STARD13: variants seen among roughly 807,000 people sequenced by gnomAD.
STARD13 encodes the protein StAR related lipid transfer domain containing 13, also known as stAR-related lipid transfer protein 13.
A neutral mutation model predicts 106.4 loss-of-function variants in STARD13; 62 were observed. The observed-to-expected ratio is 0.58, with a 90% CI of 0.48 to 0.72. STARD13 has a LOEUF of 0.72. STARD13 is among the 30% of genes least tolerant of loss of function. The pLI is 0.00. For missense variants in STARD13, 1,387 were observed against 1,424.0 expected (o/e 0.97, Z 0.42); for synonymous variants, 565 against 553.0 (o/e 1.02, Z -0.31).
At chr13:33,316,351 G>T (rs560241945) in intron 1 of STARD13, among the ~76,000 whole-genome samples, 2 of 152,268 alleles carry the variant, frequency 1.3e-5, no homozygotes, top group South Asian at 4.1e-4. Context: ...TGGTTACAAA[G>T]CCTATGGATT....
chr13:33,258,062 C>T (rs910781684), intron 1 of STARD13, among the ~76,000 whole-genome samples: 2 of 152,204 alleles, frequency 1.3e-5, no homozygotes, highest in Admixed American at 6.5e-5. Context: ...TGTGATAAGG[C>T]TCTGATGCAT....
chr13:33,201,012 T>C (rs1886991785), intron 1 of STARD13, among the ~76,000 whole-genome samples: 1 of 150,750 alleles, frequency 6.6e-6, no homozygotes. Context: ...GGTGACAGAG[T>C]GAGATTCTAT....
At chr13:33,630,058 C>T in the STARD13 span, among the ~76,000 whole-genome samples, 3 of 152,158 alleles carry the variant, frequency 2.0e-5, no homozygotes, top group Non-Finnish European at 4.4e-5. Context: ...TTCACATTTA[C>T]ATAATTTTTG....
intron 1 of STARD13, among the ~76,000 whole-genome samples, chr13:33,349,877 C>T (rs572913876): frequency 5.9e-5 from 9 of 152,328 alleles, no homozygotes; most frequent in South Asian, 2.1e-4. Context: ...ATGTGTCCCA[C>T]GTGGAGAAGG....
the STARD13 span, among the ~76,000 whole-genome samples, chr13:33,513,948 C>T: frequency 6.6e-6 from 1 of 152,076 alleles, no homozygotes; most frequent in Non-Finnish European, 1.5e-5. Flanking sequence ...TAAATAACAG[C>T]TTTGTAGATT....
chr13:33,129,490 T>G lies in STARD13; in HGVS notation c.1187A>C (p.His396Pro), dbSNP rs1248374847. ...EFHSQENLVVHIPKDHKPGTF... is the reference protein window; with the variant it reads ...EFHSQENLVVPIPKDHKPGTF... ...TCCTGGTTTGTGATCCTTGGGAATA[T>G]GCACCACCAAATTCTCTTGGGAGTG... Residue 396 changes from histidine (H) to proline (P), a missense_variant, in exon 5 of 14, where the codon CAT becomes CCT. Physicochemically the swap from His to Pro is moderately conservative, Grantham distance 77. Coordinates refer to ENST00000336934, the MANE Select transcript of STARD13 (RefSeq NM_178006.4). 6.2e-7 allele frequency: 1 copy of G among 1,614,094 alleles called. No individual in the cohort carries two copies. Among genetic ancestry groups the G allele is most frequent in the Non-Finnish European group, 8.5e-7 (1 of 1,180,044 alleles).
intron 1 of STARD13, among the ~76,000 whole-genome samples, chr13:33,256,419 C>A (rs1407082029): frequency 6.6e-6 from 1 of 152,196 alleles, no homozygotes; most frequent in Admixed American, 6.5e-5. Flanking sequence ...GGTACCCAGG[C>A]CCCACAGTTT....
At chr13:33,655,948 T>C in the STARD13 span, among the ~76,000 whole-genome samples, 2 of 152,074 alleles carry the variant, frequency 1.3e-5, no homozygotes, top group Non-Finnish European at 2.9e-5. Context: ...AGGTTCTTAG[T>C]GGCAAAGAAT....
the STARD13 span, among the ~76,000 whole-genome samples, chr13:33,505,578 C>A: frequency 1.6e-3 from 241 of 152,244 alleles, 8 homozygotes; most frequent in East Asian, 0.043. Context: ...AGACAATTTT[C>A]AAATTTGTCT....
chr13:33,402,258 G>A, the STARD13 span, among the ~76,000 whole-genome samples: 122 of 152,334 alleles, frequency 8.0e-4, no homozygotes, highest in African/African-American at 2.9e-3. Context: ...CCAGAAAAGT[G>A]TAGAAAAGAA....
chr13:33,324,385 G>A (rs1893665702), intron 1 of STARD13, among the ~76,000 whole-genome samples: 1 of 152,124 alleles, frequency 6.6e-6, no homozygotes, highest in Non-Finnish European at 1.5e-5. Context: ...CCAGGAGTGA[G>A]GGCTGATACT....
intron 1 of STARD13, among the ~76,000 whole-genome samples, chr13:33,212,469 G>C (rs1887778802): frequency 6.6e-6 from 1 of 152,184 alleles, no homozygotes; most frequent in Non-Finnish European, 1.5e-5. Context: ...TTTGGACACT[G>C]AGTTGCTTGG....
intron 8 of STARD13, among the ~76,000 whole-genome samples, chr13:33,114,646 G>C (rs1017506482): frequency 6.6e-6 from 1 of 152,162 alleles, no homozygotes; most frequent in Non-Finnish European, 1.5e-5. Context: ...TAAATATGCT[G>C]CTCTAGGTAA....
At chr13:33,618,238 C>A in the STARD13 span, among the ~76,000 whole-genome samples, 1 of 152,282 alleles carries the variant, frequency 6.6e-6, no homozygotes, top group Admixed American at 6.5e-5. Context: ...TATGCTAGAT[C>A]ATCCTGAAAA....
At chr13:33,272,245 G>T (rs1891201316) in intron 1 of STARD13, among the ~76,000 whole-genome samples, 2 of 152,114 alleles carry the variant, frequency 1.3e-5, no homozygotes, top group Admixed American at 6.5e-5. Context: ...TGGAATATTT[G>T]CATTATATCA....
intron 1 of STARD13, among the ~76,000 whole-genome samples, chr13:33,170,180 G>A (rs984087641): frequency 6.6e-6 from 1 of 152,124 alleles, no homozygotes; most frequent in African/African-American, 2.4e-5. Context: ...GTAACACAAA[G>A]AATAAATGCC....
At chr13:33,461,335 A>G in the STARD13 span, among the ~76,000 whole-genome samples, 1 of 152,214 alleles carries the variant, frequency 6.6e-6, no homozygotes, top group Non-Finnish European at 1.5e-5. Flanking sequence ...TAAATGGGAG[A>G]AAATTAGGAT....
chr13:33,109,998 G>A lies in STARD13; in HGVS notation c.2922C>T (p.Arg974=). 6.2e-7 allele frequency: 1 copy of A among 1,614,226 alleles called. No individual in the cohort carries two copies. Among genetic ancestry groups the A allele is most frequent in the Non-Finnish European group, 8.5e-7 (1 of 1,180,042 alleles). Residue 974 remains arginine, a synonymous_variant, in exon 12 of 14, where the codon CGC becomes CGT. Transcript: ENST00000336934. ...GCACAAAGTCCTCGTCCCACAGGTGGCGCTCTCTCAGCACGCGGTTCAGGA... is the reference window on the plus strand; with the variant it reads ...GCACAAAGTCCTCGTCCCACAGGTGACGCTCTCTCAGCACGCGGTTCAGGA... ...SVVLNRVLRE[R]HLWDEDFVQW...
chr13:33,382,694 T>A, the STARD13 span, among the ~76,000 whole-genome samples: 3 of 152,170 alleles, frequency 2.0e-5, no homozygotes, highest in Admixed American at 6.5e-5. Flanking sequence ...TCATTTGAAA[T>A]TACAGAAAAA....
Sources: gnomAD v4.1 joint callset for allele counts (sites outside exome capture counted in the v4.1 genomes callset) on GRCh38, gnomAD v4.1.1 for gene constraint, MANE v1.5 for transcripts, NCBI Gene and HGNC (gene_info 2026-07-23, HGNC 2026-07-21) for gene names.